Variants in ADK observed in about 807,000 individuals in gnomAD.
The protein encoded by ADK is adenosine kinase.
Under a neutral mutation model 44.7 loss-of-function variants are expected in ADK, and 24 were observed. That is an observed-to-expected ratio of 0.54 (90% confidence interval 0.39 to 0.76). The LOEUF (loss-of-function observed/expected upper bound fraction) is 0.76, where lower values mean the gene tolerates loss of function less well. Among genes scored for constraint, ADK ranks in the 30% least tolerant of loss-of-function variants. The pLI, the probability that ADK is intolerant of heterozygous loss-of-function variation, is 0.00. For synonymous variants in ADK, 128 were observed against 142.6 expected (o/e 0.90, Z 0.73); for missense variants, 321 against 425.1 (o/e 0.76, Z 2.15).
At chr10:74,705,904 C>A (rs944602115) in intron 10 of ADK, among the ~76,000 whole-genome samples, 3 of 152,006 alleles carry the variant, frequency 2.0e-5, no homozygotes, top group Non-Finnish European at 4.4e-5. Flanking sequence ...AACATTTTTT[C>A]ATTTGCTTAT....
chr10:74,655,465 C>T (rs1854446920), intron 9 of ADK: 3 of 462,322 alleles, frequency 6.5e-6, no homozygotes, highest in Non-Finnish European at 1.3e-5. Flanking sequence ...TGAGGAATGA[C>T]ACTCGCAACA....
intron 10 of ADK, among the ~76,000 whole-genome samples, chr10:74,691,096 G>A (rs1050857715): frequency 3.9e-5 from 6 of 152,142 alleles, no homozygotes; most frequent in African/African-American, 7.2e-5. Context: ...TGACTGCCTC[G>A]TGTACACTGT....
chr10:74,381,921 T>C (rs1419168643), intron 4 of ADK, among the ~76,000 whole-genome samples: 1 of 152,154 alleles, frequency 6.6e-6, no homozygotes, highest in Non-Finnish European at 1.5e-5. Flanking sequence ...TTTTATAAAG[T>C]GTATACTAGA....
chr10:74,162,554 TGTGTGTGTGA>T (rs1841935035), intron 1 of ADK, among the ~76,000 whole-genome samples: 1 of 151,482 alleles, frequency 6.6e-6, no homozygotes, highest in African/African-American at 2.4e-5. Flanking sequence ...TGTGTGTGTG[TGTGTGTGTGA>T]GACAGAGTCT....
chr10:74,384,990 T>C (rs926695557), intron 4 of ADK, among the ~76,000 whole-genome samples: 2 of 152,126 alleles, frequency 1.3e-5, no homozygotes, highest in African/African-American at 4.8e-5. Flanking sequence ...AGGGAGATGA[T>C]CTAAGAAGCT....
At chr10:74,201,528 G>C (rs1434246860) in intron 2 of ADK, among the ~76,000 whole-genome samples, 1 of 151,990 alleles carries the variant, frequency 6.6e-6, no homozygotes, top group Non-Finnish European at 1.5e-5. Context: ...TCTATTTTTA[G>C]TTAGTTGTTG....
intron 4 of ADK, among the ~76,000 whole-genome samples, chr10:74,379,173 A>G (rs1169874938): frequency 2.0e-5 from 3 of 152,262 alleles, no homozygotes; most frequent in South Asian, 4.1e-4. Context: ...GCTTGCATTT[A>G]AAAAGGACAG....
chr10:74,510,360 T>C (rs1848257315), intron 6 of ADK, among the ~76,000 whole-genome samples: 1 of 152,222 alleles, frequency 6.6e-6, no homozygotes, highest in African/African-American at 2.4e-5. Context: ...TTGTATCTCT[T>C]TTGAGAAATG....
At chr10:74,521,651 A>G (rs1848841041) in intron 6 of ADK, among the ~76,000 whole-genome samples, 1 of 152,174 alleles carries the variant, frequency 6.6e-6, no homozygotes, top group African/African-American at 2.4e-5. Flanking sequence ...AAGCTTTAAA[A>G]TCTTCTCATT....
intron 1 of ADK, among the ~76,000 whole-genome samples, chr10:74,164,216 G>C (rs1409234174): frequency 5.3e-5 from 8 of 152,204 alleles, no homozygotes; most frequent in Admixed American, 1.3e-4. Context: ...ATTAAATTCA[G>C]TACATAGTAT....
intron 3 of ADK, among the ~76,000 whole-genome samples, chr10:74,301,946 C>G (rs1471656627): frequency 6.6e-6 from 1 of 151,976 alleles, no homozygotes; most frequent in Non-Finnish European, 1.5e-5. Flanking sequence ...AAAAGAGATT[C>G]ACCTGCAATT....
chr10:74,578,499 C>T lies in ADK; in HGVS notation c.727-10783C>T, dbSNP rs572392340. 4.6e-5 allele frequency among the ~76,000 whole-genome samples: 7 copies of T among 152,220 alleles called. No homozygotes were observed. In the South Asian group the frequency reaches 1.5e-3, roughly 32 times the overall value. ...TCTGTTAAGCTACTCTACTTCAACT[C>T]TGTCTGTGGTAGCATAAAAGCAACC... On this transcript the variant is annotated intron_variant, in intron 7 of 10. Coordinates refer to ENST00000539909, the MANE Select transcript of ADK (RefSeq NM_006721.4).
At chr10:74,410,938 T>TATTAATTGTGATTATTAAA in intron 6 of ADK, among the ~76,000 whole-genome samples, 1 of 152,218 alleles carries the variant, frequency 6.6e-6, no homozygotes, top group African/African-American at 2.4e-5. Flanking sequence ...ATAATATTCT[T>TATTAATTGTGATTATTAAA]CTGTGATTAT....
chr10:74,151,261 TG>T lies in ADK; in HGVS notation c.-14del. On this transcript the variant is annotated 5_prime_UTR_variant, in exon 1 of 11. Transcript: ENST00000539909. ...GCAGAGGTGGGCTGTAGAGCCAAAG[TG>T]GGGTGGGAGCGCGAAGATGGCAGCT... The T allele has an allele frequency of 6.5e-7, 1 of 1,548,682 alleles. No individual in the cohort carries two copies. Among genetic ancestry groups the T allele is most frequent in the Non-Finnish European group, 8.7e-7 (1 of 1,146,588 alleles).
At chr10:74,229,601 G>A (rs771026063) in intron 3 of ADK, among the ~76,000 whole-genome samples, 1 of 152,062 alleles carries the variant, frequency 6.6e-6, no homozygotes, top group Non-Finnish European at 1.5e-5. Context: ...GTTTTGCCGT[G>A]TTAGCCAGGA....
chr10:74,394,168 G>T lies in ADK; in HGVS notation c.301G>T (p.Ala101Ser). The change falls in exon 5 of 11, where the codon GCA (alanine) becomes TCA (serine). Residue 101 changes from alanine to serine, a missense_variant. Physicochemically the swap from Ala to Ser is moderately conservative, Grantham distance 99. Coordinates refer to ENST00000539909, the MANE Select transcript of ADK (RefSeq NM_006721.4). ...QWMIQQPHKAATFFGCIGIDK... is the reference protein window; with the variant it reads ...QWMIQQPHKASTFFGCIGIDK... The stretch of plus-strand genomic sequence containing the variant: ...GATGATTCAACAGCCACACAAAGCA[G>T]CAACATTTTTTGGATGCATTGGGAT... 1 of 1,613,978 alleles carries T rather than the reference G, an allele frequency of 6.2e-7. No individual in the cohort carries two copies. Among genetic ancestry groups the T allele is most frequent in the South Asian group, 1.1e-5 (1 of 91,084 alleles).
chr10:74,454,627 C>G (rs573661397), intron 6 of ADK, among the ~76,000 whole-genome samples: 1 of 152,234 alleles, frequency 6.6e-6, no homozygotes, highest in South Asian at 2.1e-4. Flanking sequence ...ATGTACATGA[C>G]TGGGGCCTCT....
chr10:74,379,060 C>T (rs997779657), intron 4 of ADK, among the ~76,000 whole-genome samples: 2 of 152,112 alleles, frequency 1.3e-5, no homozygotes, highest in Admixed American at 6.5e-5. Context: ...AGGGAAGTGG[C>T]TTGAACCTGT....
intron 3 of ADK, among the ~76,000 whole-genome samples, chr10:74,265,216 A>G (rs1330576575): frequency 1.3e-5 from 2 of 151,710 alleles, no homozygotes; most frequent in African/African-American, 4.8e-5. Flanking sequence ...ATAAAATACT[A>G]CAATTTTTTT....
Sources: gnomAD v4.1 joint callset for allele counts (sites outside exome capture counted in the v4.1 genomes callset) on GRCh38, gnomAD v4.1.1 for gene constraint, MANE v1.5 for transcripts, NCBI Gene and HGNC (gene_info 2026-07-23, HGNC 2026-07-21) for gene names.